Variants in ZBTB20 observed in about 807,000 individuals in gnomAD.
ZBTB20 encodes the protein zinc finger and BTB domain containing 20, also known as zinc finger and BTB domain-containing protein 20.
A neutral mutation model predicts 56.9 loss-of-function variants in ZBTB20; 9 were observed. The observed-to-expected ratio is 0.16, with a 90% CI of 0.10 to 0.28. The LOEUF (loss-of-function observed/expected upper bound fraction) is 0.28. Ranked by LOEUF, ZBTB20 falls within the 10% of genes least tolerant of loss-of-function variation. The pLI, the probability that ZBTB20 is intolerant of heterozygous loss-of-function variation, is 1.00. For missense variants in ZBTB20, 655 were observed against 1,003.0 expected (o/e 0.65, Z 4.69); for synonymous variants, 417 against 420.7 (o/e 0.99, Z 0.11).
chr3:115,100,427 GGAGA>G (rs141039928), intron 1 of ZBTB20: 23 of 149,824 alleles, frequency 1.5e-4, no homozygotes, highest in Admixed American at 2.0e-4. Flanking sequence ...AGAGAGAAGA[GGAGA>G]GAGAGAGAGA....
intron 1 of ZBTB20, among the ~76,000 whole-genome samples, chr3:115,103,535 G>A (rs1376491111): frequency 6.6e-6 from 1 of 152,152 alleles, no homozygotes; most frequent in African/African-American, 2.4e-5. Context: ...AGACAGCCCA[G>A]GAGAAGGCCC....
At chr3:114,763,177 T>C (rs917037192) in intron 5 of ZBTB20, among the ~76,000 whole-genome samples, 1 of 152,174 alleles carries the variant, frequency 6.6e-6, no homozygotes, top group Non-Finnish European at 1.5e-5. Context: ...ATGATCAATA[T>C]AATGGGCTGT....
chr3:114,575,033 T>C (rs1346846076), intron 6 of ZBTB20, among the ~76,000 whole-genome samples: 1 of 152,116 alleles, frequency 6.6e-6, no homozygotes, highest in Non-Finnish European at 1.5e-5. Flanking sequence ...AAACCAACTG[T>C]CTACATTTAT....
intron 2 of ZBTB20, among the ~76,000 whole-genome samples, chr3:115,027,081 C>T (rs2108327348): frequency 6.6e-6 from 1 of 150,856 alleles, no homozygotes; most frequent in Admixed American, 6.6e-5. Context: ...TTTATTCATT[C>T]CTACATTTAG....
intron 2 of ZBTB20, among the ~76,000 whole-genome samples, chr3:114,982,722 A>G (rs937567860): frequency 6.6e-6 from 1 of 152,100 alleles, no homozygotes; most frequent in East Asian, 1.9e-4. Flanking sequence ...CAGTTTAGTT[A>G]CATATGTATA....
intron 6 of ZBTB20, among the ~76,000 whole-genome samples, chr3:114,507,106 G>C (rs192700207): frequency 6.6e-6 from 1 of 152,192 alleles, no homozygotes; most frequent in African/African-American, 2.4e-5. Flanking sequence ...TTTTAGGAGT[G>C]GGGGCAAGAT....
intron 6 of ZBTB20, among the ~76,000 whole-genome samples, chr3:114,570,356 A>T (rs923451973): frequency 7.3e-5 from 11 of 151,562 alleles, no homozygotes; most frequent in Admixed American, 1.3e-4. Context: ...TGCACTTCAA[A>T]TACATTATTT....
intron 6 of ZBTB20, among the ~76,000 whole-genome samples, chr3:114,547,868 T>C (rs2050080712): frequency 6.6e-6 from 1 of 152,252 alleles, no homozygotes; most frequent in South Asian, 2.1e-4. Context: ...TTAAAGAGTG[T>C]ATTTTCATTT....
At chr3:114,539,125 T>G (rs2048821982) in intron 6 of ZBTB20, among the ~76,000 whole-genome samples, 1 of 152,148 alleles carries the variant, frequency 6.6e-6, no homozygotes, top group African/African-American at 2.4e-5. Context: ...TGTATAAGTG[T>G]CCAGGCTCCT....
intron 7 of ZBTB20, among the ~76,000 whole-genome samples, chr3:114,404,577 A>G (rs1477369617): frequency 1.3e-5 from 2 of 152,096 alleles, no homozygotes; most frequent in African/African-American, 4.8e-5. Flanking sequence ...ATTGTCTTTC[A>G]TTTTCAAAGA....
chr3:114,638,275 C>T (rs1456204894), intron 6 of ZBTB20, among the ~76,000 whole-genome samples: 1 of 151,970 alleles, frequency 6.6e-6, no homozygotes, highest in African/African-American at 2.4e-5. Flanking sequence ...TGAACATAGA[C>T]ATGATGCTTG....
intron 2 of ZBTB20, among the ~76,000 whole-genome samples, chr3:115,039,893 G>A (rs568683753): frequency 6.6e-6 from 1 of 152,140 alleles, no homozygotes; most frequent in South Asian, 2.1e-4. Flanking sequence ...AAAACACATA[G>A]TTGGTAACAA....
At chr3:114,856,041 T>A (rs2075237405) in intron 4 of ZBTB20, among the ~76,000 whole-genome samples, 1 of 152,162 alleles carries the variant, frequency 6.6e-6, no homozygotes, top group Non-Finnish European at 1.5e-5. Flanking sequence ...TTAATTTCAG[T>A]TTCAGCAGTT....
chr3:114,688,329 T>C (rs914942668), intron 6 of ZBTB20: 2 of 149,618 alleles, frequency 1.3e-5, no homozygotes, highest in East Asian at 4.0e-4. Context: ...AACCTCAGCA[T>C]CACACAATAT....
chr3:114,948,080 A>C lies in ZBTB20; in HGVS notation c.-456+26286T>G, dbSNP rs931876930. On this transcript the variant is annotated intron_variant, in intron 3 of 11. Coordinates refer to ENST00000675478, the MANE Select transcript of ZBTB20 (RefSeq NM_001348800.3). ...TCTTAAAGAAAATATTAAGAAAATC[A>C]AATTCTCTATGAAAAGGATAATATA... Among the ~76,000 whole-genome samples the C allele has an allele frequency of 2.1e-5, 3 of 146,052 alleles. 1 individual carries two copies. Among genetic ancestry groups the C allele is most frequent in the Admixed American group, 6.6e-5 (1 of 15,110 alleles).
intron 5 of ZBTB20, among the ~76,000 whole-genome samples, chr3:114,737,638 A>G (rs1281936051): frequency 6.6e-6 from 1 of 152,180 alleles, no homozygotes; most frequent in East Asian, 1.9e-4. Flanking sequence ...TTTTTTCAGA[A>G]TTTTTGTTTC....
intron 7 of ZBTB20, among the ~76,000 whole-genome samples, chr3:114,398,954 T>C (rs2086573329): frequency 6.6e-6 from 1 of 152,120 alleles, no homozygotes; most frequent in South Asian, 2.1e-4. Flanking sequence ...CCCCAAATAA[T>C]GAATTCCATC....
intron 5 of ZBTB20, among the ~76,000 whole-genome samples, chr3:114,793,300 C>G (rs1437767359): frequency 6.6e-6 from 1 of 152,050 alleles, no homozygotes; most frequent in Non-Finnish European, 1.5e-5. Context: ...CACCAAACCC[C>G]AATTATTAAA....
chr3:115,005,823 C>T (rs1359962576), intron 2 of ZBTB20, among the ~76,000 whole-genome samples: 1 of 151,676 alleles, frequency 6.6e-6, no homozygotes, highest in Non-Finnish European at 1.5e-5. Flanking sequence ...CATTCTGCAC[C>T]AGAAGCAGGT....
Sources: allele counts gnomAD v4.1 joint callset (sites outside exome capture counted in the v4.1 genomes callset), GRCh38; gene constraint gnomAD v4.1.1; transcripts MANE v1.5; gene names NCBI Gene and HGNC (gene_info 2026-07-23, HGNC 2026-07-21).